The following SMG1 variants were observed in gnomAD, a reference collection of about 807,000 sequenced individuals.
The protein encoded by SMG1 is SMG1 nonsense mediated mRNA decay associated PI3K related kinase, also known as serine/threonine-protein kinase SMG1.
Under a neutral mutation model 419.9 loss-of-function variants are expected in SMG1, and 22 were observed. The observed-to-expected ratio is 0.05, with a 90% confidence interval of 0.04 to 0.07. SMG1 has a LOEUF of 0.07. Ranked by LOEUF, SMG1 falls within the 10% of genes least tolerant of loss-of-function variation. SMG1 has a pLI of 1.00. For synonymous variants in SMG1, 1,538 were observed against 1,553.5 expected (o/e 0.99, Z 0.23); for missense variants, 3,185 against 4,342.0 (o/e 0.73, Z 7.49).
chr16:18,896,705 A>G, intron 2 of SMG1, 88 bp downstream of exon 2: 1 of 902,066 alleles, frequency 1.1e-6, no homozygotes, highest in Non-Finnish European at 1.7e-6. Context: ...ATTAGAAGAA[A>G]GCAAGAAAGT....
intron 55 of SMG1, among the ~76,000 whole-genome samples, chr16:18,821,241 CTTTTT>C (rs2032528443): frequency 3.1e-5 from 1 of 31,890 alleles, no homozygotes; most frequent in African/African-American, 1.1e-4. Context: ...TTTTTTTTTT[CTTTTT>C]TTTTTCTTTT....
At chr16:18,836,576 T>A in intron 46 of SMG1, 44 bp from the exon 47 acceptor site, 1 of 1,597,870 alleles carries the variant, frequency 6.3e-7, no homozygotes, top group African/African-American at 1.3e-5. Flanking sequence ...TTATTGCTGT[T>A]TTCTTCCACA....
chr16:18,882,002 T>C (rs1286092136), intron 10 of SMG1, among the ~76,000 whole-genome samples, 163 bp downstream of exon 10: 3 of 152,196 alleles, frequency 2.0e-5, no homozygotes, highest in Non-Finnish European at 2.9e-5. Context: ...CCTACTTTTC[T>C]AGTTATTCAA....
chr16:18,807,221 ACTAT>A lies in SMG1; in HGVS notation c.*2344_*2347del, dbSNP rs1567300599. 1 of 152,236 alleles carries A rather than the reference ACTAT, an allele frequency of 6.6e-6. No homozygotes were observed. The highest frequency in any genetic ancestry group is 2.4e-5 in the African/African-American group (1 of 41,456). The allele number at this position is 152,236 out of a possible 1,614,324, so 9.4% of individuals were successfully genotyped here. ...ACCAAAGAGAAAGCAATTTCTGAATACTATCTATAGTGCTAAACTAATGTGAACT... is the reference window on the plus strand; with the variant it reads ...ACCAAAGAGAAAGCAATTTCTGAATACTATAGTGCTAAACTAATGTGAACT... On this transcript the variant is annotated 3_prime_UTR_variant, in exon 63 of 63. Transcript: ENST00000446231.
chr16:18,814,341 A>G (rs886445285), intron 60 of SMG1, among the ~76,000 whole-genome samples: 1 of 150,820 alleles, frequency 6.6e-6, no homozygotes, highest in African/African-American at 2.4e-5. Context: ...ATATATATAT[A>G]TATTTTTTTT....
rs1555485532 is a variant in SMG1, at chr16:18,817,126, G to GAGC, written c.10074+164_10074+165insGCT. ...TATAATATGTTTCGGGGCGGGGGGG[G>GAGC]GGGCGCTAAGAAAATAATTTAATCA... On this transcript the variant is annotated intron_variant, in intron 57 of 62. Coordinates refer to ENST00000446231, the MANE Select transcript of SMG1 (RefSeq NM_015092.5). 4.6e-5 allele frequency among the ~76,000 whole-genome samples: 4 copies of GAGC among 87,498 alleles called. 1 individual carries two copies. Among genetic ancestry groups the GAGC allele is most frequent in the Admixed American group, 1.5e-4 (1 of 6,646 alleles). The allele number at this position is 87,498 out of a possible 152,430, so 57.4% of individuals were successfully genotyped here.
At chr16:18,879,923 A>G (rs925683066) in intron 10 of SMG1, among the ~76,000 whole-genome samples, 7 of 152,352 alleles carry the variant, frequency 4.6e-5, no homozygotes, top group Admixed American at 2.0e-4. Flanking sequence ...AAAAAATCCT[A>G]AAGTGCTATT....
At chr16:18,867,834 G>A (rs1303768087) in intron 22 of SMG1, among the ~76,000 whole-genome samples, 13 of 148,280 alleles carry the variant, frequency 8.8e-5, no homozygotes, top group African/African-American at 1.2e-4. Flanking sequence ...TCAGCCTCCC[G>A]AGTAGCTGGG....
chr16:18,815,802 C>A (rs1596459996), intron 58 of SMG1, 151 bp from the exon 59 acceptor site: 1 of 601,352 alleles, frequency 1.7e-6, no homozygotes, highest in East Asian at 2.9e-5. Flanking sequence ...AACTTTGTTT[C>A]CACCATCAAA....
At chr16:18,876,832 G>A (rs965408620) in intron 12 of SMG1, among the ~76,000 whole-genome samples, 15 of 151,540 alleles carry the variant, frequency 9.9e-5, no homozygotes, top group African/African-American at 3.1e-4. Flanking sequence ...AATTTATAAC[G>A]TTATAAATGT....
In SMG1 at chr16:18,845,824, G is replaced by GTT. The variant is rs150457031; in HGVS notation, c.5997-175_5997-174dup. On this transcript the variant is annotated intron_variant, in intron 38 of 62. Transcript: ENST00000446231. ...TTACTAACAAAGAATTTTTGGTTTTGTTTTTTTTTGGAGACAGAGTTTTGC... is the reference window on the plus strand; with the variant it reads ...TTACTAACAAAGAATTTTTGGTTTTGTTTTTTTTTTTGGAGACAGAGTTTTGC... Among the ~76,000 whole-genome samples, 265 of 150,700 alleles carry GTT rather than the reference G, an allele frequency of 1.8e-3. 2 individuals are homozygous for GTT. The highest frequency in any genetic ancestry group is 5.9e-3 in the African/African-American group (243 of 41,056).
chr16:18,840,008 C>G, intron 41 of SMG1, 62 bp from the exon 42 acceptor site: 1 of 1,321,886 alleles, frequency 7.6e-7, no homozygotes, highest in South Asian at 1.5e-5. Flanking sequence ...AAAAAGAGTG[C>G]CTTTTGTATG....
chr16:18,894,341 A>C (rs2141834438), intron 3 of SMG1, among the ~76,000 whole-genome samples: 1 of 152,312 alleles, frequency 6.6e-6, no homozygotes, highest in African/African-American at 2.4e-5. Flanking sequence ...TCCCTAGCCC[A>C]TAGAGTATTT....
chr16:18,903,868 A>G (rs1189276717), intron 1 of SMG1, among the ~76,000 whole-genome samples: 3 of 151,842 alleles, frequency 2.0e-5, no homozygotes, highest in South Asian at 2.1e-4. Context: ...TGGAACAAAT[A>G]AACCTCCTAT....
At position 18,852,353 on chromosome 16, in the gene SMG1, A is replaced by G; in HGVS notation, c.4878T>C (p.Ala1626=). The part of the protein sequence containing the change: ...AKSWAALASW[A]YRWGRKVVDN... ...CAACCACCTTTCTGCCCCACCTATAAGCCCAGCTGGCCAACGCTGCCCAAG... is the reference window on the plus strand; with the variant it reads ...CAACCACCTTTCTGCCCCACCTATAGGCCCAGCTGGCCAACGCTGCCCAAG... The change falls in exon 32 of 63, where the codon GCT becomes GCC. Residue 1626 remains alanine (A), a synonymous_variant. Transcript: ENST00000446231. 1 of 1,613,736 alleles carries G rather than the reference A, an allele frequency of 6.2e-7. No individual in the cohort carries two copies.
At chr16:18,848,079 A>G in intron 36 of SMG1, 46 bp from the exon 37 acceptor site, 2 of 1,493,964 alleles carry the variant, frequency 1.3e-6, no homozygotes, top group South Asian at 2.3e-5. Flanking sequence ...CATTTCTCCC[A>G]TGTGCATATG....
intron 6 of SMG1, among the ~76,000 whole-genome samples, 157 bp downstream of exon 6, chr16:18,889,215 T>C (rs1464968786): frequency 3.9e-5 from 6 of 152,004 alleles, no homozygotes; most frequent in Admixed American, 2.0e-4. Context: ...GTGTATCCTT[T>C]ACTCAAACTG....
intron 62 of SMG1, among the ~76,000 whole-genome samples, chr16:18,811,073 A>T (rs1371350863): frequency 6.6e-6 from 1 of 152,200 alleles, no homozygotes; most frequent in African/African-American, 2.4e-5. Flanking sequence ...ATACCCAAAG[A>T]TGCTTTACAA....
intron 41 of SMG1, 127 bp from the exon 42 acceptor site, chr16:18,840,073 A>T (rs962901190): frequency 1.4e-6 from 1 of 707,320 alleles, no homozygotes. Flanking sequence ...TTACTCAACT[A>T]AATTTCATGT....
Sources: allele counts gnomAD v4.1 joint callset (sites outside exome capture counted in the v4.1 genomes callset), GRCh38; gene constraint gnomAD v4.1.1; transcripts MANE v1.5; gene names NCBI Gene and HGNC (gene_info 2026-07-23, HGNC 2026-07-21).